SMARCC1: variants seen among roughly 807,000 people sequenced by gnomAD.
SMARCC1 encodes SWI/SNF related BAF chromatin remodeling complex subunit C1.
A neutral mutation model predicts 147.4 loss-of-function variants in SMARCC1; 43 were observed. That is an observed-to-expected ratio of 0.29 (90% CI 0.23 to 0.38). The LOEUF is 0.38. SMARCC1 is among the 10% of genes least tolerant of loss of function. The pLI is 1.00. For missense variants in SMARCC1, 1,119 were observed against 1,381.1 expected (o/e 0.81, Z 3.01); for synonymous variants, 495 against 484.4 (o/e 1.02, Z -0.29).
intron 2 of SMARCC1, among the ~76,000 whole-genome samples, chr3:47,752,900 T>G (rs1307293137): frequency 6.6e-6 from 1 of 152,166 alleles, no homozygotes; most frequent in Non-Finnish European, 1.5e-5. Flanking sequence ...GCCTCTACTC[T>G]CAACTGTGTG....
chr3:47,677,832 C>G (rs1042871975), intron 16 of SMARCC1, among the ~76,000 whole-genome samples: 7 of 151,966 alleles, frequency 4.6e-5, no homozygotes, highest in Non-Finnish European at 1.0e-4. Context: ...GCCACTGCAC[C>G]CAGCCTAAAT....
At chr3:47,696,238 G>C (rs2033850542) in intron 11 of SMARCC1, among the ~76,000 whole-genome samples, 1 of 151,858 alleles carries the variant, frequency 6.6e-6, no homozygotes, top group Non-Finnish European at 1.5e-5. Flanking sequence ...GCCAGGCGTG[G>C]TGGCGGGCGC....
chr3:47,671,196 A>AAACAAAAAAAAAAC (rs1553682000), intron 18 of SMARCC1, among the ~76,000 whole-genome samples: 2 of 81,144 alleles, frequency 2.5e-5, no homozygotes, highest in African/African-American at 4.0e-5. Flanking sequence ...AAAAAAAAAA[A>AAACAAAAAAAAAAC]AACACACACA....
At chr3:47,607,392 T>C (rs1380870962) in intron 26 of SMARCC1, among the ~76,000 whole-genome samples, 2 of 152,216 alleles carry the variant, frequency 1.3e-5, no homozygotes, top group African/African-American at 4.8e-5. Context: ...GGGTTGTGAA[T>C]AAGTGTGTTG....
At chr3:47,729,622 G>A (rs1197232574) in intron 5 of SMARCC1, among the ~76,000 whole-genome samples, 3 of 152,140 alleles carry the variant, frequency 2.0e-5, no homozygotes, top group Non-Finnish European at 4.4e-5. Context: ...CTGACCTTAG[G>A]TGAGCTGCCT....
At chr3:47,699,384 T>C (rs2033891185) in intron 11 of SMARCC1, among the ~76,000 whole-genome samples, 1 of 152,174 alleles carries the variant, frequency 6.6e-6, no homozygotes, top group African/African-American at 2.4e-5. Context: ...TTGGGACATT[T>C]TCCTTGCATC....
chr3:47,604,406 C>T, intron 26 of SMARCC1: 1 of 409,430 alleles, frequency 2.4e-6, no homozygotes, highest in Non-Finnish European at 4.8e-6. Context: ...ATACCAAAGA[C>T]AGCCAACTGA....
Position 47,706,395 on chromosome 3 carries a change from G to A in SMARCC1, c.1040+14C>T. Reference sequence around the variant, plus strand: ...CCTGTTTTAATGCCCTTTGAATCATGTAATAGTTCTTACCCTTTCTTCCCA... The same window carrying A: ...CCTGTTTTAATGCCCTTTGAATCATATAATAGTTCTTACCCTTTCTTCCCA... On this transcript the variant is annotated intron_variant, in intron 10 of 27. Coordinates refer to ENST00000254480, the MANE Select transcript of SMARCC1 (RefSeq NM_003074.4). The A allele has an allele frequency of 1.9e-6, 3 of 1,538,712 alleles. No individual in the cohort carries two copies. Among genetic ancestry groups the A allele is most frequent in the Middle Eastern group, 1.8e-4 (1 of 5,674 alleles).
chr3:47,728,439 C>G (rs2034327034), intron 6 of SMARCC1, among the ~76,000 whole-genome samples: 1 of 152,082 alleles, frequency 6.6e-6, no homozygotes, highest in African/African-American at 2.4e-5. Flanking sequence ...CTAATGTGTA[C>G]TTTCTACATC....
intron 8 of SMARCC1, among the ~76,000 whole-genome samples, chr3:47,714,033 T>G (rs1485357205): frequency 6.6e-6 from 1 of 152,236 alleles, no homozygotes; most frequent in Non-Finnish European, 1.5e-5. Flanking sequence ...GAGAGACTGC[T>G]GTAGAAAACA....
intron 1 of SMARCC1, among the ~76,000 whole-genome samples, chr3:47,779,885 T>C (rs2035019597): frequency 6.6e-6 from 1 of 152,218 alleles, no homozygotes; most frequent in African/African-American, 2.4e-5. Flanking sequence ...TAAAGAAGAA[T>C]TAACCAATAT....
intron 2 of SMARCC1, among the ~76,000 whole-genome samples, chr3:47,769,246 G>C (rs1178424906): frequency 1.3e-5 from 2 of 149,034 alleles, no homozygotes; most frequent in Non-Finnish European, 3.0e-5. Context: ...GCCGGGCACA[G>C]TGGCTCACGC....
intron 14 of SMARCC1, 92 bp from the exon 15 acceptor site, chr3:47,680,600 T>C (rs2033632056): frequency 5.8e-6 from 4 of 694,858 alleles, no homozygotes; most frequent in African/African-American, 2.2e-5. Flanking sequence ...CAGGCTGGAG[T>C]GCAGTGGCGG....
intron 26 of SMARCC1, among the ~76,000 whole-genome samples, chr3:47,608,849 TAAAAAAAAAAAAAAAA>T (rs35698988): frequency 1.2e-5 from 1 of 86,864 alleles, no homozygotes; most frequent in Non-Finnish European, 2.1e-5. Flanking sequence ...ACAGTGTCTT[TAAAAAAAAAAAAAAAA>T]AAAAAAAAAG....
chr3:47,629,788 G>A (rs2032862887), intron 24 of SMARCC1, among the ~76,000 whole-genome samples: 1 of 152,090 alleles, frequency 6.6e-6, no homozygotes, highest in Non-Finnish European at 1.5e-5. Context: ...GCGACATGGA[G>A]CACATTTTAC....
intron 3 of SMARCC1, among the ~76,000 whole-genome samples, chr3:47,745,585 C>G (rs1255340175): frequency 6.6e-6 from 1 of 151,528 alleles, no homozygotes; most frequent in Admixed American, 6.6e-5. Context: ...TGGTGGTGCA[C>G]GCCTACAGTC....
rs754042295 is a variant in SMARCC1 at position 47,706,541 on chromosome 3, G to A, written c.919-11C>T. 2 of 1,546,004 alleles carry A rather than the reference G, an allele frequency of 1.3e-6. No individual in the cohort carries two copies. Among genetic ancestry groups the A allele is most frequent in the East Asian group, 5.0e-5 (2 of 40,296 alleles). On this transcript the variant is annotated splice_polypyrimidine_tract_variant and intron_variant, in intron 9 of 27. Transcript: ENST00000254480. ...TGGACTTCTGACTGGCTAGGAAGAA[G>A]TAAATGGAAATAAGTATCAGCTATC...
chr3:47,611,749 G>A (rs1464089667), intron 25 of SMARCC1, among the ~76,000 whole-genome samples: 1 of 152,224 alleles, frequency 6.6e-6, no homozygotes, highest in Non-Finnish European at 1.5e-5. Context: ...CTGTGAAATT[G>A]AGTGAGAAGC....
rs200524652 is a variant in SMARCC1, at chr3:47,702,230, C to CAAAAAA, written c.1041-834_1041-829dup. 9.2e-5 allele frequency among the ~76,000 whole-genome samples: 12 copies of CAAAAAA among 131,122 alleles called. No individual in the cohort carries two copies. The South Asian group carries it at 2.2e-3, about 24-fold the overall frequency. The allele number at this position is 131,122 out of a possible 152,430, so 86.0% of individuals were successfully genotyped here. A position where few individuals can be genotyped will look rare whatever the true frequency, so the allele number is the denominator to read the frequency against. On this transcript the variant is annotated intron_variant, in intron 10 of 27. Coordinates refer to ENST00000254480, the MANE Select transcript of SMARCC1 (RefSeq NM_003074.4). ...TAAAACTAATAAATGTCAGGGGGCT[C>CAAAAAA]AAAAAAAAAAAAAAAACCCCAGTGA...
Sources: gnomAD v4.1 joint callset for allele counts (sites outside exome capture counted in the v4.1 genomes callset) on GRCh38, gnomAD v4.1.1 for gene constraint, MANE v1.5 for transcripts, NCBI Gene and HGNC (gene_info 2026-07-23, HGNC 2026-07-21) for gene names.